UBE2G1: variants seen among roughly 807,000 people sequenced by gnomAD.
The protein encoded by UBE2G1 is ubiquitin conjugating enzyme E2 G1, also known as ubiquitin-conjugating enzyme E2 G1.
Under a neutral mutation model 22.7 loss-of-function variants are expected in UBE2G1, and 5 were observed. That is an observed-to-expected ratio of 0.22 (90% CI 0.12 to 0.46). The LOEUF (loss-of-function observed/expected upper bound fraction) is 0.46. UBE2G1 is among the 20% of genes least tolerant of loss of function. The pLI, the probability that UBE2G1 is intolerant of heterozygous loss-of-function variation, is 0.99. For missense variants in UBE2G1, 88 were observed against 203.9 expected (o/e 0.43, Z 3.46); for synonymous variants, 74 against 67.5 (o/e 1.10, Z -0.47).
chr17:4,299,661 T>C (rs933669734), intron 2 of UBE2G1, among the ~76,000 whole-genome samples: 1 of 151,960 alleles, frequency 6.6e-6, no homozygotes, highest in Admixed American at 6.6e-5. Context: ...ACTAAAAGAG[T>C]AGCCCTAAAA....
intron 1 of UBE2G1, among the ~76,000 whole-genome samples, chr17:4,365,149 G>A (rs1970017293): frequency 1.3e-5 from 2 of 152,208 alleles, no homozygotes; most frequent in Admixed American, 1.3e-4. Flanking sequence ...TCCAGTCTTT[G>A]GCTTCTGCTG....
At chr17:4,308,521 T>C (rs746134381) in intron 1 of UBE2G1, among the ~76,000 whole-genome samples, 16 of 151,976 alleles carry the variant, frequency 1.1e-4, no homozygotes, top group Non-Finnish European at 1.3e-4. Context: ...CAAGACTCCA[T>C]CTCAAAAAGA....
At chr17:4,321,263 G>A (rs1254479681) in intron 1 of UBE2G1, among the ~76,000 whole-genome samples, 1 of 152,140 alleles carries the variant, frequency 6.6e-6, no homozygotes, top group Non-Finnish European at 1.5e-5. Context: ...TATATATCAA[G>A]CCACAAAATG....
At chr17:4,312,798 C>A (rs948748799) in intron 1 of UBE2G1, among the ~76,000 whole-genome samples, 17 of 150,700 alleles carry the variant, frequency 1.1e-4, no homozygotes, top group Non-Finnish European at 2.5e-4. Flanking sequence ...ACACATACAG[C>A]TCAGGGAAGA....
intron 4 of UBE2G1, among the ~76,000 whole-genome samples, chr17:4,285,455 A>C (rs143209365): frequency 2.1e-3 from 316 of 152,332 alleles, no homozygotes; most frequent in African/African-American, 7.1e-3. Flanking sequence ...ATAAGGGAAA[A>C]ATAAAAGCAC....
At chr17:4,351,030 CA>C (rs796508050) in intron 1 of UBE2G1, among the ~76,000 whole-genome samples, 753 of 109,806 alleles carry the variant, frequency 6.9e-3, no homozygotes, top group Non-Finnish European at 6.1e-3. Context: ...AAGACTTCGT[CA>C]AAAAAAAAAA....
intron 1 of UBE2G1, among the ~76,000 whole-genome samples, chr17:4,336,817 T>A (rs551561121): frequency 7.9e-5 from 12 of 152,226 alleles, no homozygotes; most frequent in South Asian, 6.2e-4. Flanking sequence ...TAGGCAGAAG[T>A]AAGAATATAA....
intron 1 of UBE2G1, among the ~76,000 whole-genome samples, chr17:4,361,427 T>A (rs1252703435): frequency 6.6e-6 from 1 of 151,928 alleles, no homozygotes; most frequent in African/African-American, 2.4e-5. Flanking sequence ...CTACAGAGAC[T>A]GAGGCAAGAT....
intron 1 of UBE2G1, among the ~76,000 whole-genome samples, chr17:4,347,910 T>G (rs1969797882): frequency 6.6e-6 from 1 of 152,206 alleles, no homozygotes. Context: ...TTGTGTGTGT[T>G]CTGACTGCTC....
intron 1 of UBE2G1, among the ~76,000 whole-genome samples, chr17:4,343,747 C>T (rs1261256914): frequency 2.6e-5 from 4 of 151,946 alleles, no homozygotes; most frequent in Non-Finnish European, 5.9e-5. Context: ...CACCACCACG[C>T]CCGGCTAATT....
chr17:4,295,300 T>A (rs1412864008), intron 3 of UBE2G1, among the ~76,000 whole-genome samples: 1 of 152,064 alleles, frequency 6.6e-6, no homozygotes, highest in South Asian at 2.1e-4. Context: ...AGAGATATTT[T>A]CCTCTTCTTA....
At chr17:4,359,830 C>T (rs1450309499) in intron 1 of UBE2G1, among the ~76,000 whole-genome samples, 1 of 140,204 alleles carries the variant, frequency 7.1e-6, no homozygotes, top group Admixed American at 7.8e-5. Context: ...CCAGCCTGGG[C>T]GACAGAACAA....
intron 1 of UBE2G1, among the ~76,000 whole-genome samples, chr17:4,330,706 C>T (rs1382170910): frequency 6.6e-6 from 1 of 151,394 alleles, no homozygotes; most frequent in East Asian, 1.9e-4. Flanking sequence ...CATTGCGCTC[C>T]AGCCTGGACA....
chr17:4,314,461 T>C (rs749365497), intron 1 of UBE2G1, among the ~76,000 whole-genome samples: 6 of 152,210 alleles, frequency 3.9e-5, no homozygotes, highest in Non-Finnish European at 8.8e-5. Context: ...TTATCACCAC[T>C]ACAGGATGCT....
rs2143660867 is a variant in UBE2G1 at position 4,271,846 on chromosome 17, T to G, written c.*708A>C. On this transcript the variant is annotated 3_prime_UTR_variant, in exon 6 of 6. Transcript: ENST00000396981. ...TTATTGCTATATCCAATCCAAGAGG[T>G]GGGTGCAACTAGAATACAAAAAGGA... The G allele has an allele frequency of 6.6e-6, 1 of 152,218 alleles. No individual in the cohort carries two copies. The highest frequency in any genetic ancestry group is 2.4e-5 in the African/African-American group (1 of 41,374). 9.4% of individuals were successfully genotyped at this position (152,218 alleles called of 1,614,324 possible). A position where few individuals can be genotyped will look rare whatever the true frequency, so the allele number is the denominator to read the frequency against.
intron 1 of UBE2G1, among the ~76,000 whole-genome samples, chr17:4,355,117 T>C (rs1969891206): frequency 6.6e-6 from 1 of 151,768 alleles, no homozygotes; most frequent in Admixed American, 6.6e-5. Context: ...TTTGATGTGA[T>C]TTGCCTCACA....
intron 2 of UBE2G1, chr17:4,302,710 GA>G: frequency 4.0e-6 from 1 of 247,338 alleles, no homozygotes; most frequent in South Asian, 5.8e-5. Context: ...AAGTTTAAAT[GA>G]CTGTGTCATG....
intron 1 of UBE2G1, among the ~76,000 whole-genome samples, chr17:4,333,014 G>C (rs957395491): frequency 1.3e-5 from 2 of 152,098 alleles, no homozygotes; most frequent in Non-Finnish European, 2.9e-5. Flanking sequence ...ATAGCCCCAG[G>C]ACCTGTGACA....
chr17:4,308,705 A>G (rs76666060), intron 1 of UBE2G1, among the ~76,000 whole-genome samples: 4,515 of 152,256 alleles, frequency 0.03, 212 homozygotes, highest in African/African-American at 0.1. Context: ...CAAAGAACAC[A>G]CAGGAGTAGA....
Sources: allele counts gnomAD v4.1 joint callset (sites outside exome capture counted in the v4.1 genomes callset), GRCh38; gene constraint gnomAD v4.1.1; transcripts MANE v1.5; gene names NCBI Gene and HGNC (gene_info 2026-07-23, HGNC 2026-07-21).